Variants in CASP14 observed in about 807,000 individuals in gnomAD.
The protein encoded by CASP14 is caspase 14.
Under a neutral mutation model 28.4 loss-of-function variants are expected in CASP14, and 27 were observed. The observed-to-expected ratio is 0.95, with a 90% CI of 0.70 to 1.31. The LOEUF (loss-of-function observed/expected upper bound fraction) is 1.31. Among genes scored for constraint, CASP14 ranks in the 50% most tolerant of loss-of-function variants. The pLI is 0.00. For missense variants in CASP14, 323 were observed against 312.8 expected, an observed-to-expected ratio of 1.03 and a Z score of -0.25; for synonymous variants, 115 against 118.6, an observed-to-expected ratio of 0.97 and a Z score of 0.20.
At chr19:15,050,131 G>A (rs933575279) in intron 1 of CASP14, among the ~76,000 whole-genome samples, 1 of 152,090 alleles carries the variant, frequency 6.6e-6, no homozygotes, top group Non-Finnish European at 1.5e-5. Flanking sequence ...GCTCTCCCCA[G>A]GTCCTTTGCG....
chr19:15,051,688 G>T (rs1197833509), intron 1 of CASP14, among the ~76,000 whole-genome samples: 1 of 152,050 alleles, frequency 6.6e-6, no homozygotes, highest in Admixed American at 6.6e-5. Flanking sequence ...GAGCAAGGGA[G>T]GTGGATTGAC....
At chr19:15,055,407 A>C in intron 5 of CASP14, 23 bp from the exon 6 acceptor site, 4 of 1,609,866 alleles carry the variant, frequency 2.5e-6, no homozygotes, top group Non-Finnish European at 3.4e-6. Flanking sequence ...GCTCCCCCGA[A>C]CCCACCTCTC....
rs1371254740 is a variant in CASP14, at chr19:15,052,366, G to GA, written c.27+94dup. On this transcript the variant is annotated intron_variant, in intron 2 of 6. Coordinates refer to ENST00000427043, the MANE Select transcript of CASP14 (RefSeq NM_012114.3). The stretch of plus-strand genomic sequence containing the variant: ...ATGTTTTGGAAAGAGTGGAGGGACT[G>GA]AAAAAATCATGATCTGAACTCAGAG... 13 of 1,270,970 alleles carry GA rather than the reference G, an allele frequency of 1.0e-5. No individual in the cohort carries two copies. The East Asian group carries it at 3.2e-4, about 32-fold the overall frequency. 78.7% of individuals were successfully genotyped at this position (1,270,970 alleles called of 1,614,324 possible).
chr19:15,051,002 A>G (rs1366390306), intron 1 of CASP14, among the ~76,000 whole-genome samples: 2 of 151,988 alleles, frequency 1.3e-5, no homozygotes, highest in African/African-American at 4.8e-5. Flanking sequence ...AGATGGACAG[A>G]TGAATAGATG....
At chr19:15,051,502 C>CAAAAAAAAAAA (rs3040744) in intron 1 of CASP14, among the ~76,000 whole-genome samples, 15 of 84,604 alleles carry the variant, frequency 1.8e-4, no homozygotes, top group East Asian at 3.9e-4. Context: ...GATTCTGTCT[C>CAAAAAAAAAAA]AAAAAAAAAA....
rs1300137318 is a variant in CASP14, at chr19:15,055,094, C to A, written c.404-64C>A. On this transcript the variant is annotated intron_variant, in intron 4 of 6. Transcript: ENST00000427043. ...CACTGGGAATACAGGTGTGAGCCAC[C>A]CTGCCCAGCCCCTTTCCTTACCTTT... 7 of 1,315,808 alleles carry A rather than the reference C, an allele frequency of 5.3e-6. No individual in the cohort carries two copies. The Admixed American group carries it at 1.0e-4, about 19-fold the overall frequency. The allele number at this position is 1,315,808 out of a possible 1,614,324, so 81.5% of individuals were successfully genotyped here. A position where few individuals can be genotyped will look rare whatever the true frequency, so the allele number is the denominator to read the frequency against.
chr19:15,055,637 A>G (rs2046113452), intron 6 of CASP14, 104 bp downstream of exon 6: 3 of 745,814 alleles, frequency 4.0e-6, no homozygotes, highest in East Asian at 5.3e-5. Context: ...CTCAGCTCCA[A>G]ATCCAAGCCA....
chr19:15,057,926 A>AAC lies in CASP14; in HGVS notation c.*1838_*1839dup, dbSNP rs1299759937. 6.6e-6 allele frequency: 1 copy of AAC among 152,240 alleles called. No homozygotes were observed. Among genetic ancestry groups the AAC allele is most frequent in the East Asian group, 1.9e-4 (1 of 5,190 alleles). The allele number at this position is 152,240 out of a possible 1,614,324, so 9.4% of individuals were successfully genotyped here. On this transcript the variant is annotated 3_prime_UTR_variant, in exon 7 of 7. Coordinates refer to ENST00000427043, the MANE Select transcript of CASP14 (RefSeq NM_012114.3). ...ATCAATCAAATAAAGACCAAAGTCA[A>AAC]ACCGCACATCAGGATCTCTCACACC...
At chr19:15,054,933 GC>G in intron 4 of CASP14, 1 of 499,428 alleles carries the variant, frequency 2.0e-6, no homozygotes. Context: ...GAGCCACCGT[GC>G]CCAGCCCTTA....
chr19:15,056,500 A>T lies in CASP14; in HGVS notation c.*411A>T, dbSNP rs2046118248. On this transcript the variant is annotated 3_prime_UTR_variant, in exon 7 of 7. Coordinates refer to ENST00000427043, the MANE Select transcript of CASP14 (RefSeq NM_012114.3). ...CAATCCAACCTCTGCTGGCTCCTGC[A>T]TCTCACTTGGAGGTCAAACCTCCTC... 5.7e-6 allele frequency: 1 copy of T among 176,630 alleles called. No individual in the cohort carries two copies. The highest frequency in any genetic ancestry group is 1.2e-5 in the Non-Finnish European group (1 of 81,626). 10.9% of individuals were successfully genotyped at this position (176,630 alleles called of 1,614,324 possible).
Position 15,057,571 on chromosome 19 carries a change from C to T in CASP14, c.*1482C>T, listed in dbSNP as rs2046123283. The T allele has an allele frequency of 6.6e-6, 1 of 152,150 alleles. No individual in the cohort carries two copies. Among genetic ancestry groups the T allele is most frequent in the Admixed American group, 6.6e-5 (1 of 15,240 alleles). 9.4% of individuals were successfully genotyped at this position (152,150 alleles called of 1,614,324 possible). ...ATAACAGTGATCTCCCTGGAACACT[C>T]AAGAAGACACAACATACCATATTAT... On this transcript the variant is annotated 3_prime_UTR_variant, in exon 7 of 7. Transcript: ENST00000427043.
At chr19:15,055,940 T>C (rs1296427408) in intron 6 of CASP14, 45 bp from the exon 7 acceptor site, 1 of 1,497,066 alleles carries the variant, frequency 6.7e-7, no homozygotes, top group African/African-American at 1.4e-5. Context: ...CCCCCATAAG[T>C]CCATGACACT....
chr19:15,054,122 C>T (rs1220839071), intron 4 of CASP14, among the ~76,000 whole-genome samples, 164 bp downstream of exon 4: 1 of 152,008 alleles, frequency 6.6e-6, no homozygotes, highest in Non-Finnish European at 1.5e-5. Context: ...GTAGCTGAGA[C>T]TACAGGCTCC....
chr19:15,055,739 A>G (rs1412508809), intron 6 of CASP14, among the ~76,000 whole-genome samples: 2 of 152,228 alleles, frequency 1.3e-5, no homozygotes, highest in East Asian at 1.9e-4. Flanking sequence ...ATAAATTTCT[A>G]TAAACAAATC....
At chr19:15,055,338 C>G (rs1325143013) in intron 5 of CASP14, 64 bp downstream of exon 5, 2 of 1,564,444 alleles carry the variant, frequency 1.3e-6, no homozygotes, top group Non-Finnish European at 1.8e-6. Context: ...ACTCCCAACT[C>G]CTGAACCTCT....
At chr19:15,050,857 G>T (rs1429298276) in intron 1 of CASP14, among the ~76,000 whole-genome samples, 1 of 151,996 alleles carries the variant, frequency 6.6e-6, no homozygotes, top group Non-Finnish European at 1.5e-5. Flanking sequence ...TGAGTGGATA[G>T]ATAGGTAAGT....
At chr19:15,052,037 T>C (rs1437564644) in intron 1 of CASP14, among the ~76,000 whole-genome samples, 169 bp from the exon 2 acceptor site, 2 of 152,180 alleles carry the variant, frequency 1.3e-5, no homozygotes, top group African/African-American at 4.8e-5. Flanking sequence ...AGGGGTGATA[T>C]ATTACTACTT....
At chr19:15,055,932 C>G in intron 6 of CASP14, 53 bp from the exon 7 acceptor site, 2 of 1,426,832 alleles carry the variant, frequency 1.4e-6, no homozygotes, top group East Asian at 2.4e-5. Context: ...TAACCCTCCC[C>G]CCATAAGTCC....
intron 1 of CASP14, among the ~76,000 whole-genome samples, chr19:15,050,795 T>C (rs3761057): frequency 0.17 from 25,380 of 151,286 alleles, 2,190 homozygotes; most frequent in Admixed American, 0.25. Context: ...GATTAATAGA[T>C]GGGTAGACAG....
Sources: gnomAD v4.1 joint callset for allele counts (sites outside exome capture counted in the v4.1 genomes callset) on GRCh38, gnomAD v4.1.1 for gene constraint, MANE v1.5 for transcripts, NCBI Gene and HGNC (gene_info 2026-07-23, HGNC 2026-07-21) for gene names.